Variants in KMT2E observed in about 807,000 individuals in gnomAD.
KMT2E encodes histone reader KMT2E.
KMT2E carries 30 observed loss-of-function variants against 184.6 expected under a neutral mutation model. That is an observed-to-expected ratio of 0.16 (90% CI 0.12 to 0.22). The LOEUF (loss-of-function observed/expected upper bound fraction) is 0.22. Ranked by LOEUF, KMT2E falls within the 10% of genes least tolerant of loss-of-function variation. The pLI is 1.00. For synonymous variants in KMT2E, 815 were observed against 776.5 expected, an observed-to-expected ratio of 1.05 and a Z score of -0.82; for missense variants, 2,023 against 2,237.4, an observed-to-expected ratio of 0.90 and a Z score of 1.93.
intron 1 of KMT2E, among the ~76,000 whole-genome samples, chr7:105,020,038 G>T (rs1212629646): frequency 4.0e-5 from 6 of 151,444 alleles, no homozygotes; most frequent in African/African-American, 1.5e-4. Flanking sequence ...AACCCAGGAG[G>T]CGGAGGTTGC....
chr7:105,111,817 C>T lies in KMT2E; in HGVS notation c.4069-8C>T, dbSNP rs751045379. On this transcript the variant is annotated splice_polypyrimidine_tract_variant and splice_region_variant and intron_variant, in intron 26 of 26. Coordinates refer to ENST00000311117, the MANE Select transcript of KMT2E (RefSeq NM_182931.3). The stretch of plus-strand genomic sequence containing the variant: ...CTTGAATGTATATAATTTGTTTTCT[C>T]TTCATAGCCTGGTTCACCTGGATCT... The T allele has an allele frequency of 6.2e-7, 1 of 1,602,334 alleles. No homozygotes were observed. Among genetic ancestry groups the T allele is most frequent in the Non-Finnish European group, 8.5e-7 (1 of 1,175,148 alleles).
chr7:105,036,845 G>C (rs1390822069), intron 1 of KMT2E, among the ~76,000 whole-genome samples: 1 of 151,886 alleles, frequency 6.6e-6, no homozygotes, highest in African/African-American at 2.4e-5. Flanking sequence ...TGATTATTTG[G>C]AATAATCTGT....
chr7:105,018,782 A>T (rs1190073602), intron 1 of KMT2E, among the ~76,000 whole-genome samples: 3 of 151,908 alleles, frequency 2.0e-5, no homozygotes, highest in Non-Finnish European at 4.4e-5. Context: ...GAGGAGCCTT[A>T]TTTTTTTCTT....
rs1241838439 is a variant in KMT2E at position 105,110,850 on chromosome 7, T to C, written c.4050T>C (p.Ser1350=). The change falls in exon 26 of 27, where the codon AGT becomes AGC. Residue 1350 remains serine (S), a synonymous_variant. Coordinates refer to ENST00000311117, the MANE Select transcript of KMT2E (RefSeq NM_182931.3). The part of the protein sequence containing the change: ...SPDTSQNTCK[S]PPKMSKPGSP... ...ATACTTCTCAAAATACTTGTAAAAG[T>C]CCTCCAAAAATGAGCAAGGTAATAA... 2 of 1,613,404 alleles carry C rather than the reference T, an allele frequency of 1.2e-6. No homozygotes were observed. The highest frequency in any genetic ancestry group is 1.1e-5 in the South Asian group (1 of 91,062).
chr7:105,090,892 T>G (rs553850922), intron 14 of KMT2E, among the ~76,000 whole-genome samples: 14 of 152,326 alleles, frequency 9.2e-5, no homozygotes, highest in Admixed American at 2.0e-4. Context: ...CAAACACTTT[T>G]TGAGCACTGG....
intron 2 of KMT2E, among the ~76,000 whole-genome samples, chr7:105,038,989 C>T (rs1795777091): frequency 6.6e-6 from 1 of 151,998 alleles, no homozygotes; most frequent in Non-Finnish European, 1.5e-5. Context: ...GTATCTTTGT[C>T]CTGAGGATAA....
intron 1 of KMT2E, among the ~76,000 whole-genome samples, chr7:105,021,121 G>A (rs1794931327): frequency 6.6e-6 from 1 of 152,190 alleles, no homozygotes; most frequent in South Asian, 2.1e-4. Flanking sequence ...GCTGAGATGG[G>A]AAGATTCATG....
At position 105,073,403 on chromosome 7, in the gene KMT2E, A is replaced by AGG. The variant is rs1409486372; in HGVS notation, c.498-216_498-215insGG. 3.6e-3 allele frequency among the ~76,000 whole-genome samples: 539 copies of AGG among 151,664 alleles called. 14 individuals are homozygous for AGG. In the East Asian group the frequency reaches 0.061, roughly 17 times the overall value. Reference sequence around the variant, plus strand: ...TAGGGTGAGACCCTGTCTGGGGAAAAAAAAAAAAAAAAAAAATCAGAGTGA... The same window carrying AGG: ...TAGGGTGAGACCCTGTCTGGGGAAAAGGAAAAAAAAAAAAAAAATCAGAGTGA... On this transcript the variant is annotated intron_variant, in intron 6 of 26. Coordinates refer to ENST00000311117, the MANE Select transcript of KMT2E (RefSeq NM_182931.3).
In KMT2E at chr7:105,031,439, G is replaced by A. The variant is rs1038322730; in HGVS notation, c.-188-6687G>A. 4.0e-5 allele frequency among the ~76,000 whole-genome samples: 6 copies of A among 151,428 alleles called. 1 individual carries two copies. The highest frequency in any genetic ancestry group is 1.5e-4 in the African/African-American group (6 of 41,254). ...CCAACTTCATTTTAATCAAAAACCT[G>A]CTCTTATTTGGTTATTTAATGGCTG... On this transcript the variant is annotated intron_variant, in intron 1 of 26. Coordinates refer to ENST00000311117, the MANE Select transcript of KMT2E (RefSeq NM_182931.3).
chr7:105,100,066 A>T (rs1798589341), intron 15 of KMT2E, among the ~76,000 whole-genome samples: 1 of 152,174 alleles, frequency 6.6e-6, no homozygotes, highest in South Asian at 2.1e-4. Flanking sequence ...TGCATGTGCT[A>T]TTGTAGTGTT....
chr7:105,107,530 C>A lies in KMT2E; in HGVS notation c.3073C>A (p.Leu1025Ile). The A allele has an allele frequency of 6.2e-7, 1 of 1,614,132 alleles. No homozygotes were observed. The highest frequency in any genetic ancestry group is 8.5e-7 in the Non-Finnish European group (1 of 1,180,004). ...GEKEPVSDLQ[L>I]GLDAVEPTAL... Reference sequence around the variant, plus strand: ...AAAGGAACCTGTGTCAGACCTTCAGCTAGGACTCGATGCAGTTGAGCCAAC... The same window carrying A: ...AAAGGAACCTGTGTCAGACCTTCAGATAGGACTCGATGCAGTTGAGCCAAC... Residue 1025 changes from leucine to isoleucine, a missense_variant, in exon 22 of 27, where the codon CTA becomes ATA. Coordinates refer to ENST00000311117, the MANE Select transcript of KMT2E (RefSeq NM_182931.3).
At chr7:105,024,394 G>C (rs1335860819) in intron 1 of KMT2E, among the ~76,000 whole-genome samples, 1 of 152,136 alleles carries the variant, frequency 6.6e-6, no homozygotes, top group East Asian at 1.9e-4. Flanking sequence ...CATGATGAAC[G>C]AAAGGATTTT....
chr7:105,032,900 A>C (rs1795486116), intron 1 of KMT2E, among the ~76,000 whole-genome samples: 2 of 152,260 alleles, frequency 1.3e-5, no homozygotes, highest in South Asian at 4.1e-4. Context: ...CCTTGGGACA[A>C]GTAGAATATA....
chr7:105,112,896 GCACCCCCAC>G lies in KMT2E; in HGVS notation c.5148_5156del (p.Pro1721_Pro1723del). ...ACAACACCAGCATGTTGTAAATTCAGCACCCCCACCACCCCCTCCGCCGCCACCTTCCAG... is the reference window on the plus strand; with the variant it reads ...ACAACACCAGCATGTTGTAAATTCAGCACCCCCTCCGCCGCCACCTTCCAG... On this transcript the variant is annotated inframe_deletion, in exon 27 of 27. Coordinates refer to ENST00000311117, the MANE Select transcript of KMT2E (RefSeq NM_182931.3). The G allele has an allele frequency of 2.0e-6, 3 of 1,533,842 alleles. No homozygotes were observed. The highest frequency in any genetic ancestry group is 2.2e-5 in the South Asian group (2 of 89,664).
chr7:105,033,116 A>G (rs541976176), intron 1 of KMT2E, among the ~76,000 whole-genome samples: 1 of 152,180 alleles, frequency 6.6e-6, no homozygotes, highest in African/African-American at 2.4e-5. Context: ...GCATTCTCCC[A>G]TTATATTTGG....
At chr7:105,077,677 A>G (rs1446865374) in intron 11 of KMT2E, 1 of 384,240 alleles carries the variant, frequency 2.6e-6, no homozygotes, top group Admixed American at 4.3e-5. Context: ...GAAAATCCTA[A>G]AACAATCTAC....
rs758362004 is a variant in KMT2E, at chr7:105,106,009, A to AT, written c.2596+15dup. The AT allele has an allele frequency of 1.3e-4, 209 of 1,587,412 alleles. No individual in the cohort carries two copies. The highest frequency in any genetic ancestry group is 7.0e-4 in the Admixed American group (38 of 54,258). On this transcript the variant is annotated splice_region_variant and intron_variant, in intron 19 of 26. Transcript: ENST00000311117. ...TGACAGCTGTTCCCTTCCAGGTAGA[A>AT]TTTTTTTTTCAGAGTTTTGGTTTGA... is the stretch of plus-strand genomic sequence containing the variant.
intron 19 of KMT2E, 59 bp from the exon 20 acceptor site, chr7:105,106,463 A>G: frequency 6.9e-7 from 1 of 1,445,964 alleles, no homozygotes. Flanking sequence ...ATGTGACACA[A>G]ACAGATTTTA....
intron 1 of KMT2E, among the ~76,000 whole-genome samples, chr7:105,014,813 C>T (rs1187611524): frequency 2.0e-5 from 3 of 151,866 alleles, no homozygotes; most frequent in African/African-American, 4.8e-5. Flanking sequence ...AGGGAGGGGG[C>T]GCACTCCTCA....
Sources: gnomAD v4.1 joint callset for allele counts (sites outside exome capture counted in the v4.1 genomes callset) on GRCh38, gnomAD v4.1.1 for gene constraint, MANE v1.5 for transcripts, NCBI Gene and HGNC (gene_info 2026-07-23, HGNC 2026-07-21) for gene names.